Variants in CYP4X1 observed in about 807,000 individuals in gnomAD.
CYP4X1 encodes the protein cytochrome P450 family 4 subfamily X member 1.
In CYP4X1, 44 loss-of-function variants were observed where a neutral mutation model predicts 57.9. The observed-to-expected ratio is 0.76, with a 90% confidence interval of 0.60 to 0.98. The LOEUF (loss-of-function observed/expected upper bound fraction) is 0.98. Among genes scored for constraint, CYP4X1 ranks in the 50% least tolerant of loss-of-function variants. The pLI is 0.00. For synonymous variants in CYP4X1, 227 were observed against 228.6 expected (o/e 0.99, Z 0.06); for missense variants, 532 against 623.9 (o/e 0.85, Z 1.57).
chr1:47,032,990 T>C (rs1171679506), intron 3 of CYP4X1, among the ~76,000 whole-genome samples: 1 of 152,214 alleles, frequency 6.6e-6, no homozygotes, highest in African/African-American at 2.4e-5. Flanking sequence ...GCTAATCTTA[T>C]AAGGCTTTGA....
At chr1:47,037,831 T>G (rs1403059767) in intron 6 of CYP4X1, among the ~76,000 whole-genome samples, 4 of 152,218 alleles carry the variant, frequency 2.6e-5, no homozygotes, top group Non-Finnish European at 1.5e-5. Context: ...AAACTCCATT[T>G]AGAATTTATT....
the CYP4X1 span, among the ~76,000 whole-genome samples, chr1:47,014,344 C>A: frequency 5.9e-5 from 9 of 152,170 alleles, no homozygotes; most frequent in Non-Finnish European, 1.2e-4. Context: ...GGAATCCCAA[C>A]CTCACTTACT....
the CYP4X1 span, among the ~76,000 whole-genome samples, chr1:46,990,517 A>G: frequency 6.6e-6 from 1 of 152,246 alleles, no homozygotes; most frequent in Non-Finnish European, 1.5e-5. Context: ...CTAGAACTAG[A>G]AATACCATTT....
chr1:47,012,168 A>G, the CYP4X1 span, among the ~76,000 whole-genome samples: 1 of 152,256 alleles, frequency 6.6e-6, no homozygotes. Flanking sequence ...ACAAATGTCC[A>G]ACAATGATAG....
At chr1:46,991,509 T>G in the CYP4X1 span, among the ~76,000 whole-genome samples, 1 of 152,202 alleles carries the variant, frequency 6.6e-6, no homozygotes. Flanking sequence ...TCCCAGTTCC[T>G]CCTGCTGCAG....
intron 11 of CYP4X1, among the ~76,000 whole-genome samples, chr1:47,049,723 T>C (rs934637449): frequency 2.6e-5 from 4 of 152,186 alleles, no homozygotes; most frequent in Non-Finnish European, 5.9e-5. Context: ...TGTAAGCTAC[T>C]GCTCATAGGC....
At chr1:47,011,485 A>G in the CYP4X1 span, among the ~76,000 whole-genome samples, 1 of 152,150 alleles carries the variant, frequency 6.6e-6, no homozygotes, top group Non-Finnish European at 1.5e-5. Flanking sequence ...TACCATTCAG[A>G]ACATAGGTAT....
In CYP4X1 at chr1:47,038,729, A is replaced by G. The variant is rs749763180; in HGVS notation, c.845A>G (p.Lys282Arg). ...AAGCAGGATAACACTCCGAAGAGGA[A>G]GTACCAGGATTTTCTGGATATTGTC... is the stretch of plus-strand genomic sequence containing the variant. Reference protein sequence around the residue: ...GVKQDNTPKRKYQDFLDIVLS... With the variant: ...GVKQDNTPKRRYQDFLDIVLS... Residue 282 changes from lysine to arginine, a missense_variant, in exon 7 of 12, where the codon AAG becomes AGG. Physicochemically the swap from Lys to Arg is conservative, Grantham distance 26 (BLOSUM62 2). Transcript: ENST00000371901. 6 of 1,611,232 alleles carry G rather than the reference A, an allele frequency of 3.7e-6. No individual in the cohort carries two copies. The highest frequency in any genetic ancestry group is 5.1e-6 in the Non-Finnish European group (6 of 1,178,700).
chr1:47,034,273 T>G (rs1254897969), intron 4 of CYP4X1, among the ~76,000 whole-genome samples: 1 of 152,178 alleles, frequency 6.6e-6, no homozygotes, highest in African/African-American at 2.4e-5. Flanking sequence ...AAGTTGCAGA[T>G]GTGAATTTCC....
At chr1:46,977,582 C>T in the CYP4X1 span, among the ~76,000 whole-genome samples, 2 of 151,942 alleles carry the variant, frequency 1.3e-5, no homozygotes, top group African/African-American at 2.4e-5. Context: ...ACTTCCCCAA[C>T]CTAGCAAGGT....
chr1:47,033,442 G>T, intron 4 of CYP4X1, 74 bp downstream of exon 4: 1 of 1,538,608 alleles, frequency 6.5e-7, no homozygotes, highest in Admixed American at 2.1e-5. Flanking sequence ...TATGTGTTTT[G>T]TGGGCCATGA....
chr1:47,053,478 C>T (rs1397871619), downstream of CYP4X1, among the ~76,000 whole-genome samples: 5 of 152,142 alleles, frequency 3.3e-5, no homozygotes, highest in Admixed American at 6.5e-5. Flanking sequence ...TTCTAGATCC[C>T]TGAGGAATCG....
chr1:46,982,583 T>C, the CYP4X1 span, among the ~76,000 whole-genome samples: 1 of 152,212 alleles, frequency 6.6e-6, no homozygotes, highest in East Asian at 1.9e-4. Context: ...GGCAGGCTTT[T>C]TATTTGTGGC....
At chr1:46,965,860 A>G in the CYP4X1 span, among the ~76,000 whole-genome samples, 1 of 152,196 alleles carries the variant, frequency 6.6e-6, no homozygotes, top group East Asian at 1.9e-4. Flanking sequence ...CAGGAGCTCC[A>G]TCCTGGGAGA....
chr1:47,007,645 T>C, the CYP4X1 span, among the ~76,000 whole-genome samples: 1 of 151,858 alleles, frequency 6.6e-6, no homozygotes, highest in Non-Finnish European at 1.5e-5. Context: ...AAGGAGGAAG[T>C]TCAAACCCAT....
At chr1:46,983,877 C>T in the CYP4X1 span, among the ~76,000 whole-genome samples, 1 of 152,102 alleles carries the variant, frequency 6.6e-6, no homozygotes, top group East Asian at 1.9e-4. Context: ...GGTCAGTGGG[C>T]TTTATTTGGC....
At chr1:46,969,674 G>A in the CYP4X1 span, among the ~76,000 whole-genome samples, 1 of 152,248 alleles carries the variant, frequency 6.6e-6, no homozygotes, top group African/African-American at 2.4e-5. Flanking sequence ...CAATTATAGA[G>A]TGTACCTGTC....
chr1:47,032,379 C>T (rs1392566231), intron 3 of CYP4X1, among the ~76,000 whole-genome samples: 2 of 152,110 alleles, frequency 1.3e-5, no homozygotes, highest in African/African-American at 4.8e-5. Context: ...TTTAATCTCT[C>T]CCTATCTCAG....
At chr1:46,982,178 T>A in the CYP4X1 span, among the ~76,000 whole-genome samples, 7 of 152,342 alleles carry the variant, frequency 4.6e-5, no homozygotes, top group South Asian at 6.2e-4. Flanking sequence ...TATTGTACTA[T>A]GTTTTTTCAG....
Sources: gnomAD v4.1 joint callset for allele counts (sites outside exome capture counted in the v4.1 genomes callset) on GRCh38, gnomAD v4.1.1 for gene constraint, MANE v1.5 for transcripts, NCBI Gene and HGNC (gene_info 2026-07-23, HGNC 2026-07-21) for gene names.